Variants in RASGRP1 observed in about 807,000 individuals in gnomAD.
The protein encoded by RASGRP1 is RAS guanyl releasing protein 1.
A neutral mutation model predicts 95.1 loss-of-function variants in RASGRP1; 37 were observed. That is an observed-to-expected ratio of 0.39 (90% CI 0.30 to 0.51). RASGRP1 has a LOEUF of 0.51. Among genes scored for constraint, RASGRP1 ranks in the 20% least tolerant of loss-of-function variants. The pLI is 0.80. For synonymous variants in RASGRP1, 325 were observed against 353.4 expected (o/e 0.92, Z 0.90); for missense variants, 711 against 965.4 (o/e 0.74, Z 3.49).
At chr15:38,521,329 G>A (rs1013895348) in intron 3 of RASGRP1, among the ~76,000 whole-genome samples, 6 of 152,174 alleles carry the variant, frequency 3.9e-5, no homozygotes, top group Non-Finnish European at 7.3e-5. Context: ...TTAAAGCTAA[G>A]TAGATACATT....
At chr15:38,527,084 A>C (rs1460026958) in intron 2 of RASGRP1, among the ~76,000 whole-genome samples, 1 of 152,228 alleles carries the variant, frequency 6.6e-6, no homozygotes, top group Non-Finnish European at 1.5e-5. Context: ...CAAAATAATA[A>C]GATGCATTTA....
chr15:38,533,283 T>C (rs1482560811), intron 2 of RASGRP1, among the ~76,000 whole-genome samples: 1 of 152,160 alleles, frequency 6.6e-6, no homozygotes, highest in Non-Finnish European at 1.5e-5. Context: ...GAGCAGAGCC[T>C]GTGGTAAGGC....
At chr15:38,494,241 C>T (rs1482656814) in intron 16 of RASGRP1, 141 bp downstream of exon 16, 2 of 1,093,214 alleles carry the variant, frequency 1.8e-6, no homozygotes, top group East Asian at 5.2e-5. Context: ...GTTTCTCCCT[C>T]CCTGTTTCTC....
At position 38,535,092 on chromosome 15, in the gene RASGRP1, T is replaced by TGAACAAC. The variant is rs1892591057; in HGVS notation, c.221-8689_221-8688insGTTGTTC. On this transcript the variant is annotated intron_variant, in intron 2 of 16. Transcript: ENST00000310803. The stretch of plus-strand genomic sequence containing the variant: ...AAACAGCTTCACTTGTGTTGAACAT[T>TGAACAAC]TGCATTGTACAGCAGCTCAATGCAG... Among the ~76,000 whole-genome samples the TGAACAAC allele has an allele frequency of 1.4e-4, 21 of 152,306 alleles. No homozygotes were observed. The South Asian group carries it at 4.3e-3, about 32-fold the overall frequency.
rs556096494 is a variant in RASGRP1, at chr15:38,558,146, C to T, written c.220+1675G>A. Among the ~76,000 whole-genome samples, 440 of 152,076 alleles carry T rather than the reference C, an allele frequency of 2.9e-3. 2 individuals carry two copies. The highest frequency in any genetic ancestry group is 4.5e-3 in the Admixed American group (69 of 15,284). On this transcript the variant is annotated intron_variant, in intron 2 of 16. Transcript: ENST00000310803. ...AATAGTCATGGTGGCCTGCTAAAGC[C>T]GAGTAAATCTGACTGCTGAAATGGT...
intron 15 of RASGRP1, among the ~76,000 whole-genome samples, chr15:38,495,470 A>C (rs62003585): frequency 0.011 from 1,705 of 152,302 alleles, 20 homozygotes; most frequent in Non-Finnish European, 0.019. Context: ...ACTGAAGATC[A>C]TCTCAGTTTA....
intron 5 of RASGRP1, among the ~76,000 whole-genome samples, chr15:38,516,598 A>C (rs1891796525): frequency 6.6e-6 from 1 of 151,952 alleles, no homozygotes; most frequent in African/African-American, 2.4e-5. Context: ...AAATGAGTTT[A>C]CTTTAAGGCA....
chr15:38,517,721 T>C (rs545715451), intron 5 of RASGRP1, among the ~76,000 whole-genome samples: 2 of 152,196 alleles, frequency 1.3e-5, no homozygotes, highest in Non-Finnish European at 2.9e-5. Context: ...GTGAAAACCC[T>C]GGCATACAAA....
At chr15:38,497,611 C>T (rs1890845306) in intron 15 of RASGRP1, among the ~76,000 whole-genome samples, 1 of 152,160 alleles carries the variant, frequency 6.6e-6, no homozygotes, top group Non-Finnish European at 1.5e-5. Flanking sequence ...GCTGTCACTG[C>T]AACCTATTTG....
At chr15:38,542,897 A>C (rs12916475) in intron 2 of RASGRP1, among the ~76,000 whole-genome samples, 1 of 139,528 alleles carries the variant, frequency 7.2e-6, no homozygotes, top group East Asian at 2.2e-4. Context: ...ATATATGTGT[A>C]TATATATACA....
At chr15:38,555,774 T>C (rs1893531746) in intron 2 of RASGRP1, among the ~76,000 whole-genome samples, 1 of 152,210 alleles carries the variant, frequency 6.6e-6, no homozygotes. Context: ...TTAGGAAGCA[T>C]TTCCCTTCAC....
intron 2 of RASGRP1, among the ~76,000 whole-genome samples, chr15:38,533,695 G>C (rs1359688930): frequency 6.6e-6 from 1 of 152,174 alleles, no homozygotes; most frequent in Non-Finnish European, 1.5e-5. Context: ...TCAAGACTCA[G>C]GGGAGGAGAA....
chr15:38,552,422 T>G (rs1893375668), intron 2 of RASGRP1, among the ~76,000 whole-genome samples: 1 of 152,194 alleles, frequency 6.6e-6, no homozygotes, highest in African/African-American at 2.4e-5. Context: ...TGGTAAATGT[T>G]TAACAATGGG....
At chr15:38,499,374 G>A (rs1474577185) in intron 14 of RASGRP1, among the ~76,000 whole-genome samples, 1 of 152,192 alleles carries the variant, frequency 6.6e-6, no homozygotes, top group Non-Finnish European at 1.5e-5. Flanking sequence ...AAGCTGACAA[G>A]GGCCTTTAGT....
Position 38,541,434 on chromosome 15 carries a change from TA to T in RASGRP1, c.221-15031del, listed in dbSNP as rs1275580865. 3.9e-5 allele frequency among the ~76,000 whole-genome samples: 6 copies of T among 152,060 alleles called. No individual in the cohort carries two copies. The East Asian group carries it at 1.2e-3, about 29-fold the overall frequency. On this transcript the variant is annotated intron_variant, in intron 2 of 16. Transcript: ENST00000310803. The stretch of plus-strand genomic sequence containing the variant: ...AGCAGGACCTCATCTCTACTGAGAA[TA>T]AAAAAATATTAGCTGGCATGGTGGC...
intron 14 of RASGRP1, 127 bp from the exon 15 acceptor site, chr15:38,499,073 CTT>C: frequency 1.6e-6 from 2 of 1,249,862 alleles, no homozygotes; most frequent in Non-Finnish European, 2.3e-6. Flanking sequence ...AGCTAAGACA[CTT>C]AACATTCCTA....
chr15:38,550,823 T>C (rs566071689), intron 2 of RASGRP1, among the ~76,000 whole-genome samples: 1 of 152,316 alleles, frequency 6.6e-6, no homozygotes, highest in South Asian at 2.1e-4. Flanking sequence ...TTGCTCTTGA[T>C]GGTAAAATGA....
Position 38,512,889 on chromosome 15 carries a change from A to G in RASGRP1, c.743T>C (p.Ile248Thr), listed in dbSNP as rs2141115489. The G allele has an allele frequency of 6.2e-7, 1 of 1,611,268 alleles. No individual in the cohort carries two copies. The highest frequency in any genetic ancestry group is 8.5e-7 in the Non-Finnish European group (1 of 1,178,912). Residue 248 changes from isoleucine to threonine, a missense_variant, in exon 7 of 17, where the codon ATT (isoleucine) becomes ACT (threonine). Physicochemically the swap from Ile to Thr is moderately conservative, Grantham distance 89. Around this residue, in one of 3 missense-constraint regions of RASGRP1, gnomAD observed 491 missense variants for 676.6 expected, o/e 0.73. Coordinates refer to ENST00000310803, the MANE Select transcript of RASGRP1 (RefSeq NM_005739.4). ...CTGGGAGATGCCGTTGCACAGAGCA[A>G]TAGATCGCTCCATGGTGGGGTTTTC... is the stretch of plus-strand genomic sequence containing the variant. Reference protein sequence around the residue: ...VKENPTMERSIALCNGISQWV... With the variant: ...VKENPTMERSTALCNGISQWV...
chr15:38,555,885 C>A (rs149604810), intron 2 of RASGRP1, among the ~76,000 whole-genome samples: 1 of 152,052 alleles, frequency 6.6e-6, no homozygotes, highest in African/African-American at 2.4e-5. Context: ...TGGGGGGGCC[C>A]GTTCTGAGGC....
Sources: gnomAD v4.1 joint callset for allele counts (sites outside exome capture counted in the v4.1 genomes callset) on GRCh38, gnomAD v4.1.1 for gene constraint, gnomAD v4.1.1 regional missense constraint, MANE v1.5 for transcripts, NCBI Gene and HGNC (gene_info 2026-07-23, HGNC 2026-07-21) for gene names.